CNTNAP2: variants seen among roughly 807,000 people sequenced by gnomAD.
The protein encoded by CNTNAP2 is contactin-associated protein-like 2.
A neutral mutation model predicts 155.2 loss-of-function variants in CNTNAP2; 98 were observed. The ratio of observed to expected loss-of-function variants is 0.63; its 90% CI spans 0.54 to 0.75. The LOEUF is 0.75. CNTNAP2 is among the 30% of genes least tolerant of loss of function. CNTNAP2 has a pLI of 0.00. For synonymous variants in CNTNAP2, 651 were observed against 631.2 expected (o/e 1.03, Z -0.47); for missense variants, 1,727 against 1,688.1 (o/e 1.02, Z -0.40).
At chr7:147,607,903 G>C in intron 12 of CNTNAP2, among the ~76,000 whole-genome samples, 1 of 152,094 alleles carries the variant, frequency 6.6e-6, no homozygotes, top group Non-Finnish European at 1.5e-5. Flanking sequence ...TTTGTTGTAG[G>C]TTATAAATGT....
intron 13 of CNTNAP2, among the ~76,000 whole-genome samples, chr7:147,667,059 G>A (rs73472819): frequency 0.046 from 7,064 of 152,162 alleles, 184 homozygotes; most frequent in Middle Eastern, 0.13. Context: ...AAGTTTGTTC[G>A]CAATGTTGAA....
At chr7:147,626,620 C>A (rs534757963) in intron 12 of CNTNAP2, among the ~76,000 whole-genome samples, 122 of 152,254 alleles carry the variant, frequency 8.0e-4, no homozygotes, top group African/African-American at 2.7e-3. Context: ...GAAATACTTA[C>A]CCTGGCCAAG....
At chr7:147,057,186 A>C (rs1327184226) in intron 4 of CNTNAP2, among the ~76,000 whole-genome samples, 3 of 152,160 alleles carry the variant, frequency 2.0e-5, no homozygotes, top group Non-Finnish European at 4.4e-5. Flanking sequence ...TTTGAAGTCG[A>C]TATCATGAAA....
intron 8 of CNTNAP2, among the ~76,000 whole-genome samples, chr7:147,284,662 T>C (rs552867423): frequency 7.9e-5 from 12 of 152,104 alleles, no homozygotes; most frequent in Admixed American, 3.9e-4. Flanking sequence ...TATATCCTAA[T>C]ATGTGTTACT....
intron 1 of CNTNAP2, among the ~76,000 whole-genome samples, chr7:146,703,075 TTAAAG>T (rs1275558155): frequency 4.6e-5 from 7 of 152,174 alleles, no homozygotes; most frequent in Non-Finnish European, 7.4e-5. Context: ...TCTTAACCCA[TTAAAG>T]TTACAAAAGA....
At chr7:146,883,102 C>A (rs1585137501) in intron 3 of CNTNAP2, among the ~76,000 whole-genome samples, 1 of 152,122 alleles carries the variant, frequency 6.6e-6, no homozygotes, top group Non-Finnish European at 1.5e-5. Flanking sequence ...GGTACCGTAA[C>A]TGTAAATTTG....
chr7:147,300,381 C>A lies in CNTNAP2; in HGVS notation c.1498+91C>A, dbSNP rs540927272. On this transcript the variant is annotated intron_variant, in intron 9 of 23. Coordinates refer to ENST00000361727, the MANE Select transcript of CNTNAP2 (RefSeq NM_014141.6). Reference sequence around the variant, plus strand: ...GATTATGAAGTATTTATATTTGACTCAACTGACTCAGTAGATCTCATGACA... The same window carrying A: ...GATTATGAAGTATTTATATTTGACTAAACTGACTCAGTAGATCTCATGACA... The A allele has an allele frequency of 9.2e-6, 13 of 1,415,976 alleles. No individual in the cohort carries two copies. The Admixed American group carries it at 1.4e-4, about 15-fold the overall frequency. The allele number at this position is 1,415,976 out of a possible 1,614,324, so 87.7% of individuals were successfully genotyped here.
chr7:147,303,506 C>G (rs1794978883), intron 9 of CNTNAP2, among the ~76,000 whole-genome samples: 1 of 152,108 alleles, frequency 6.6e-6, no homozygotes. Context: ...AACTCTATAC[C>G]ATCTGTGCTG....
intron 3 of CNTNAP2, among the ~76,000 whole-genome samples, chr7:146,888,818 G>T (rs370065497): frequency 1.3e-5 from 2 of 152,090 alleles, no homozygotes; most frequent in Non-Finnish European, 2.9e-5. Context: ...GAGAGTAGAA[G>T]AGTGGTTGCC....
chr7:147,451,006 C>A (rs1453684246), intron 10 of CNTNAP2, among the ~76,000 whole-genome samples: 1 of 152,198 alleles, frequency 6.6e-6, no homozygotes, highest in East Asian at 1.9e-4. Flanking sequence ...TTTGACCAGG[C>A]CATGCAGAGC....
chr7:148,120,275 C>CT (rs926821629), intron 16 of CNTNAP2, among the ~76,000 whole-genome samples: 40 of 147,972 alleles, frequency 2.7e-4, no homozygotes, highest in East Asian at 5.9e-4. Flanking sequence ...CTACTTTTTT[C>CT]TTTTTTTTTG....
At chr7:146,896,404 G>A (rs575038982) in intron 3 of CNTNAP2, among the ~76,000 whole-genome samples, 4 of 151,868 alleles carry the variant, frequency 2.6e-5, no homozygotes, top group Non-Finnish European at 5.9e-5. Flanking sequence ...CCCCAACCAC[G>A]TGTACATTTT....
At chr7:146,718,548 A>T (rs1045537390) in intron 1 of CNTNAP2, among the ~76,000 whole-genome samples, 1 of 152,152 alleles carries the variant, frequency 6.6e-6, no homozygotes, top group African/African-American at 2.4e-5. Flanking sequence ...TTTTATCCTC[A>T]CTTAAAGAGC....
intron 21 of CNTNAP2, among the ~76,000 whole-genome samples, chr7:148,293,571 G>C (rs1453266238): frequency 2.0e-5 from 3 of 152,182 alleles, no homozygotes; most frequent in Non-Finnish European, 4.4e-5. Context: ...TCATCCAAAA[G>C]TACAAAGTGT....
At chr7:147,216,911 C>A (rs1453387942) in intron 8 of CNTNAP2, among the ~76,000 whole-genome samples, 1 of 151,908 alleles carries the variant, frequency 6.6e-6, no homozygotes, top group Non-Finnish European at 1.5e-5. Flanking sequence ...ATGGATTTTT[C>A]ATAAGCATTT....
chr7:147,823,720 TAAA>T (rs35815165), intron 13 of CNTNAP2, among the ~76,000 whole-genome samples: 40 of 147,728 alleles, frequency 2.7e-4, no homozygotes, highest in Middle Eastern at 7.0e-3. Flanking sequence ...AGCAAGGGCT[TAAA>T]AAAAAAAAAA....
rs1162538761 is a variant in CNTNAP2, at chr7:147,584,245, G to A, written c.1897+21988G>A. Among the ~76,000 whole-genome samples the A allele has an allele frequency of 2.0e-5, 3 of 152,090 alleles. No individual in the cohort carries two copies. The East Asian group carries it at 5.8e-4, about 29-fold the overall frequency. On this transcript the variant is annotated intron_variant, in intron 12 of 23. Transcript: ENST00000361727. ...GATGCTTCATTTTCTCTTTCTTAGG[G>A]GTTCACGATAGAGTGGTGTATCTTA... is the stretch of plus-strand genomic sequence containing the variant.
intron 1 of CNTNAP2, among the ~76,000 whole-genome samples, chr7:146,718,894 G>A (rs1056480378): frequency 6.6e-6 from 1 of 152,118 alleles, no homozygotes; most frequent in Non-Finnish European, 1.5e-5. Flanking sequence ...AGTTAAGCAT[G>A]CAACCTCGGT....
intron 2 of CNTNAP2, among the ~76,000 whole-genome samples, chr7:146,825,690 TGCAAGTCA>T (rs1803386559): frequency 6.6e-6 from 1 of 152,176 alleles, no homozygotes; most frequent in African/African-American, 2.4e-5. Context: ...TTCCACTTAC[TGCAAGTCA>T]GAGCAATATC....
Sources: allele counts gnomAD v4.1 joint callset (sites outside exome capture counted in the v4.1 genomes callset), GRCh38; gene constraint gnomAD v4.1.1; transcripts MANE v1.5; gene names NCBI Gene and HGNC (gene_info 2026-07-23, HGNC 2026-07-21).